The following VPS13C variants were observed in gnomAD, a reference collection of about 807,000 sequenced individuals.
VPS13C encodes the protein vacuolar protein sorting 13 homolog C.
Under a neutral mutation model 456.8 loss-of-function variants are expected in VPS13C, and 358 were observed. The ratio of observed to expected loss-of-function variants is 0.78; its 90% CI spans 0.72 to 0.86. The LOEUF (loss-of-function observed/expected upper bound fraction) is 0.86. VPS13C is among the 40% of genes least tolerant of loss of function. The pLI, the probability that VPS13C is intolerant of heterozygous loss-of-function variation, is 0.00. For missense variants in VPS13C, 4,818 were observed against 4,385.4 expected (o/e 1.10, Z -2.79); for synonymous variants, 1,578 against 1,486.7 (o/e 1.06, Z -1.41).
At chr15:61,959,369 A>G (rs2045116146) in intron 36 of VPS13C, 79 bp downstream of exon 36, 3 of 1,331,600 alleles carry the variant, frequency 2.3e-6, no homozygotes, top group Non-Finnish European at 3.0e-6. Context: ...AAGAGTCTAC[A>G]TTTCATTTGG....
chr15:61,866,221 T>C (rs1240041695), intron 81 of VPS13C: 7 of 984,870 alleles, frequency 7.1e-6, no homozygotes, highest in Non-Finnish European at 7.2e-6. Context: ...AGTCCTCTCA[T>C]TAGTGTATAA....
At chr15:61,914,697 A>G (rs1025331139) in intron 61 of VPS13C, among the ~76,000 whole-genome samples, 3 of 151,140 alleles carry the variant, frequency 2.0e-5, no homozygotes, top group Non-Finnish European at 4.4e-5. Flanking sequence ...AGTAGCTGAG[A>G]TTACAGGCAT....
Position 61,929,564 on chromosome 15 carries a change from C to T in VPS13C, c.6223G>A (p.Val2075Met). Residue 2075 changes from valine (V) to methionine (M), a missense_variant, in exon 51 of 85, where the codon GTG (valine) becomes ATG (methionine). By Grantham distance (21) the Val-to-Met change is conservative (BLOSUM62 1). This residue lies in a region of VPS13C where 4,552 missense variants were observed against 4,130.6 expected (regional missense o/e 1.10). Transcript: ENST00000644861. ...IKAVPQSPEN[V>M]AKETQILPRQ... ...GGTAAAATCTGTGTTTCTTTTGCCA[C>T]ATTTTCTGGACTCTGAGGCACAGCT... 1 of 1,614,112 alleles carries T rather than the reference C, an allele frequency of 6.2e-7. No individual in the cohort carries two copies. Among genetic ancestry groups the T allele is most frequent in the Non-Finnish European group, 8.5e-7 (1 of 1,180,002 alleles).
At chr15:61,917,757 C>A in intron 59 of VPS13C, 122 bp from the exon 60 acceptor site, 1 of 1,125,972 alleles carries the variant, frequency 8.9e-7, no homozygotes, top group Non-Finnish European at 1.2e-6. Flanking sequence ...TACAGATATA[C>A]AGATGAGGAA....
At chr15:61,864,890 G>A (rs1894436994) in intron 81 of VPS13C, 1 of 967,984 alleles carries the variant, frequency 1.0e-6, no homozygotes, top group Admixed American at 6.2e-5. Context: ...ATTTAAATAT[G>A]TTAAAATATT....
rs1290337741 is a variant in VPS13C at position 61,858,051 on chromosome 15, T to C, written c.10953-1642A>G. Among the ~76,000 whole-genome samples, 1 of 152,022 alleles carries C rather than the reference T, an allele frequency of 6.6e-6. No homozygotes were observed. Among genetic ancestry groups the C allele is most frequent in the Non-Finnish European group, 1.5e-5 (1 of 67,996 alleles). ...TCCAAACAGTCTCCACTGCCCACAC[T>C]CCCGGCCCCAGTCGATAATCAGCTG... On this transcript the variant is annotated intron_variant, in intron 82 of 84. Coordinates refer to ENST00000644861, the MANE Select transcript of VPS13C (RefSeq NM_020821.3). The surrounding 1 kb of genome is among the most constrained non-coding windows in gnomAD (Gnocchi z 4.4).
At chr15:62,051,229 G>A (rs573296306) in intron 1 of VPS13C, among the ~76,000 whole-genome samples, 1 of 152,266 alleles carries the variant, frequency 6.6e-6, no homozygotes, top group East Asian at 1.9e-4. Context: ...ACTTCTTACT[G>A]ATTCTCCTCA....
In VPS13C at chr15:61,981,546, C is replaced by T. The variant is rs1360561222; in HGVS notation, c.2030-68G>A. ...AAATATGTAATCATATTATTAACAA[C>T]TAGAATAAGAGTTTTACTTGAAAAG... On this transcript the variant is annotated intron_variant, in intron 21 of 84. Transcript: ENST00000644861. 2.7e-6 allele frequency: 4 copies of T among 1,454,866 alleles called. No homozygotes were observed. The African/African-American group carries it at 5.8e-5, about 21-fold the overall frequency. The allele number at this position is 1,454,866 out of a possible 1,614,324, so 90.1% of individuals were successfully genotyped here.
intron 9 of VPS13C, among the ~76,000 whole-genome samples, chr15:62,019,212 G>A (rs536346666): frequency 1.1e-4 from 17 of 151,830 alleles, no homozygotes; most frequent in Non-Finnish European, 2.2e-4. Flanking sequence ...GCAGTCTATC[G>A]ATTTTGTTGA....
Position 61,983,984 on chromosome 15 carries a change from T to C in VPS13C, c.1750A>G (p.Ile584Val), listed in dbSNP as rs769638389. The C allele has an allele frequency of 4.3e-6, 7 of 1,613,814 alleles. No homozygotes were observed. The highest frequency in any genetic ancestry group is 4.0e-5 in the African/African-American group (3 of 74,936). ...KVEAKLEHWYITGLRQQDIVP... is the reference protein window; with the variant it reads ...KVEAKLEHWYVTGLRQQDIVP... Reference sequence around the variant, plus strand: ...ATATCCTGCTGTCTCAAACCTGTTATATACCAGTGTTCTAATTTCGCTTCT... The same window carrying C: ...ATATCCTGCTGTCTCAAACCTGTTACATACCAGTGTTCTAATTTCGCTTCT... The change falls in exon 20 of 85, where the codon ATA becomes GTA. Residue 584 changes from isoleucine (I) to valine (V), a missense_variant. Ile to Val is a conservative substitution (Grantham distance 29, BLOSUM62 3). Coordinates refer to ENST00000644861, the MANE Select transcript of VPS13C (RefSeq NM_020821.3).
chr15:61,942,010 C>T lies in VPS13C; in HGVS notation c.5206G>A (p.Ala1736Thr). 2 of 1,613,708 alleles carry T rather than the reference C, an allele frequency of 1.2e-6. No individual in the cohort carries two copies. The highest frequency in any genetic ancestry group is 1.7e-6 in the Non-Finnish European group (2 of 1,179,750). Reference protein sequence around the residue: ...KEALSTATVQAAERAASSMKD... With the variant: ...KEALSTATVQTAERAASSMKD... ...ATGCTGGAAGCAGCTCTTTCTGCAG[C>T]CTGGACTGTGGCTGTACTCAAAGCT... The change falls in exon 46 of 85, where the codon GCT becomes ACT. Residue 1736 changes from alanine (A) to threonine (T), a missense_variant. By Grantham distance (58) the Ala-to-Thr change is moderately conservative. This residue lies in a region of VPS13C where 4,552 missense variants were observed against 4,130.6 expected (regional missense o/e 1.10). Coordinates refer to ENST00000644861, the MANE Select transcript of VPS13C (RefSeq NM_020821.3).
intron 31 of VPS13C, among the ~76,000 whole-genome samples, chr15:61,964,162 CAA>C (rs2045306902): frequency 6.6e-6 from 1 of 151,874 alleles, no homozygotes; most frequent in Non-Finnish European, 1.5e-5. Context: ...AATTTAAAAG[CAA>C]GAGAAAAAAC....
At position 62,020,488 on chromosome 15, in the gene VPS13C, A is replaced by G. The variant is rs2047423312; in HGVS notation, c.675T>C (p.Leu225=). 6.2e-7 allele frequency: 1 copy of G among 1,610,982 alleles called. No individual in the cohort carries two copies. The highest frequency in any genetic ancestry group is 1.7e-5 in the Admixed American group (1 of 59,562). The stretch of plus-strand genomic sequence containing the variant: ...ATAAAGCAAACATTACCAGTAGACT[A>G]AGCTCTCCCAGTGTGACACCAAATG... ...PLSFGVTLGE[L]SLLTANEHWT... The change falls in exon 9 of 85, where the codon CTT becomes CTC. Residue 225 remains leucine (L), a synonymous_variant. Transcript: ENST00000644861.
chr15:61,954,142 T>C (rs1257211774), intron 38 of VPS13C, among the ~76,000 whole-genome samples: 2 of 152,210 alleles, frequency 1.3e-5, no homozygotes, highest in African/African-American at 2.4e-5. Flanking sequence ...CTATTGTCCT[T>C]TCCTGCATTT....
chr15:61,856,505 G>A (rs1222780551), intron 82 of VPS13C, 96 bp from the exon 83 acceptor site: 3 of 1,433,740 alleles, frequency 2.1e-6, no homozygotes, highest in East Asian at 2.4e-5. Flanking sequence ...GGTAGCACTT[G>A]CTTAGTAAAC....
chr15:61,882,873 T>G, intron 68 of VPS13C, 137 bp from the exon 69 acceptor site: 1 of 847,148 alleles, frequency 1.2e-6, no homozygotes, highest in Non-Finnish European at 1.6e-6. Context: ...TAAGGTGATC[T>G]ACAGTTGAGA....
intron 81 of VPS13C, chr15:61,864,101 T>C (rs116458851): frequency 0.016 from 2,619 of 168,212 alleles, 89 homozygotes; most frequent in African/African-American, 0.06. Flanking sequence ...CATAATAAAA[T>C]TCCAAGATAA....
chr15:61,982,958 T>C (rs2045931378), intron 20 of VPS13C, among the ~76,000 whole-genome samples: 1 of 152,168 alleles, frequency 6.6e-6, no homozygotes, highest in Non-Finnish European at 1.5e-5. Context: ...GCCATTCAGC[T>C]CTTACCTACA....
chr15:62,017,096 A>G lies in VPS13C; in HGVS notation c.685-3104T>C, dbSNP rs141528358. ...TTTTGAGAAGCGTCTTCTTTTGAGA[A>G]GTGTCTGTTCATATCCTTCGCACAC... On this transcript the variant is annotated intron_variant, in intron 9 of 84. Transcript: ENST00000644861. Among the ~76,000 whole-genome samples, 1,472 of 152,282 alleles carry G rather than the reference A, an allele frequency of 9.7e-3. 30 individuals carry two copies. The highest frequency in any genetic ancestry group is 0.034 in the African/African-American group (1,409 of 41,534).
Sources: allele counts gnomAD v4.1 joint callset (sites outside exome capture counted in the v4.1 genomes callset), GRCh38; gene constraint gnomAD v4.1.1; regional missense constraint gnomAD v4.1.1; non-coding constraint Gnocchi (gnomAD v3.1); transcripts MANE v1.5; gene names NCBI Gene and HGNC (gene_info 2026-07-23, HGNC 2026-07-21).